Variants in TSPAN9 observed in about 807,000 individuals in gnomAD.
The protein encoded by TSPAN9 is tetraspanin 9.
TSPAN9 carries 16 observed loss-of-function variants against 31.0 expected under a neutral mutation model. The ratio of observed to expected loss-of-function variants is 0.52; its 90% CI spans 0.35 to 0.78. The LOEUF is 0.78. Ranked by LOEUF, TSPAN9 falls within the 30% of genes least tolerant of loss-of-function variation. The probability of loss-of-function intolerance (pLI) is 0.01; values close to 1 mark genes in which losing one functional copy is unlikely to be tolerated. For missense variants in TSPAN9, 272 were observed against 312.5 expected (o/e 0.87, Z 0.98); for synonymous variants, 145 against 121.6 (o/e 1.19, Z -1.27).
intron 2 of TSPAN9, among the ~76,000 whole-genome samples, chr12:3,160,744 G>C (rs2098344656): frequency 6.6e-6 from 1 of 152,046 alleles, no homozygotes; most frequent in Non-Finnish European, 1.5e-5. Context: ...TGCCACTTGT[G>C]TATCTTCTAT....
intron 2 of TSPAN9, among the ~76,000 whole-genome samples, chr12:3,140,591 G>A (rs751856914): frequency 9.2e-5 from 14 of 152,136 alleles, no homozygotes; most frequent in Non-Finnish European, 1.8e-4. Context: ...GGTATGGGGT[G>A]GTGAGGAGGC....
intron 3 of TSPAN9, among the ~76,000 whole-genome samples, chr12:3,220,093 C>T (rs572988866): frequency 4.7e-5 from 7 of 150,526 alleles, no homozygotes; most frequent in East Asian, 2.0e-4. Flanking sequence ...TGCAGTGAGC[C>T]GAGATCACGC....
At chr12:3,142,683 C>T (rs1306007056) in intron 2 of TSPAN9, among the ~76,000 whole-genome samples, 1 of 152,154 alleles carries the variant, frequency 6.6e-6, no homozygotes, top group Non-Finnish European at 1.5e-5. Context: ...CATCCCTGCC[C>T]CCGGGTGCCT....
At chr12:3,140,804 C>T (rs1009187790) in intron 2 of TSPAN9, among the ~76,000 whole-genome samples, 1 of 151,780 alleles carries the variant, frequency 6.6e-6, no homozygotes, top group African/African-American at 2.4e-5. Flanking sequence ...TGGGAAAGCC[C>T]AGGGGAAGAG....
intron 1 of TSPAN9, among the ~76,000 whole-genome samples, chr12:3,080,211 T>A (rs777279428): frequency 6.6e-6 from 1 of 152,176 alleles, no homozygotes; most frequent in African/African-American, 2.4e-5. Flanking sequence ...TATTCTAGAG[T>A]CTCTTCCAGC....
intron 2 of TSPAN9, among the ~76,000 whole-genome samples, chr12:3,138,629 A>G (rs1351645585): frequency 2.0e-4 from 2 of 10,162 alleles, no homozygotes; most frequent in Admixed American, 1.9e-3. Flanking sequence ...CATATCCGCC[A>G]TACAAAAAAA....
intron 3 of TSPAN9, among the ~76,000 whole-genome samples, chr12:3,254,040 C>T (rs1456101315): frequency 6.6e-6 from 1 of 152,154 alleles, no homozygotes; most frequent in African/African-American, 2.4e-5. Context: ...AGTCCTGGCC[C>T]TCCTGCTGAG....
intron 3 of TSPAN9, among the ~76,000 whole-genome samples, chr12:3,253,820 G>A (rs1253666573): frequency 2.0e-5 from 3 of 152,210 alleles, no homozygotes; most frequent in Non-Finnish European, 4.4e-5. Flanking sequence ...TCTGCTGTGC[G>A]TGGGCCTGGT....
intron 3 of TSPAN9, among the ~76,000 whole-genome samples, chr12:3,244,283 C>T (rs1395576347): frequency 1.3e-5 from 2 of 152,162 alleles, no homozygotes; most frequent in Non-Finnish European, 2.9e-5. Context: ...CTTGGCTGGC[C>T]TTATCCTCCC....
rs567800427 is a variant in TSPAN9, at chr12:3,078,615, A to G, written c.-85+1162A>G. On this transcript the variant is annotated intron_variant, in intron 1 of 8. Coordinates refer to ENST00000011898, the MANE Select transcript of TSPAN9 (RefSeq NM_006675.5). ...AAGGAATGCAGCCAGAGAGGCAGAC[A>G]ATTACACCGGCTTCCTACCCTCGGC... Among the ~76,000 whole-genome samples the G allele has an allele frequency of 2.2e-4, 33 of 152,282 alleles. No individual in the cohort carries two copies. In the South Asian group the frequency reaches 6.8e-3, roughly 32 times the overall value.
At chr12:3,243,983 A>T (rs1474711548) in intron 3 of TSPAN9, among the ~76,000 whole-genome samples, 3 of 152,196 alleles carry the variant, frequency 2.0e-5, no homozygotes, top group Non-Finnish European at 2.9e-5. Flanking sequence ...CTTGGCAGTC[A>T]GTCATAAGTT....
At position 3,143,268 on chromosome 12, in the gene TSPAN9, C is replaced by T. The variant is rs7956597; in HGVS notation, c.-17-57909C>T. ...TAATAATATTTATAGTTATATTAAT[C>T]ATAATTAATAATATTTATAATTATA... On this transcript the variant is annotated intron_variant, in intron 2 of 8. Transcript: ENST00000011898. This position sits in a 1 kb window ranked among gnomAD's most constrained non-coding sequence, Gnocchi z 4.2. Among the ~76,000 whole-genome samples the T allele has an allele frequency of 0.73, 107,340 of 147,546 alleles. 39,118 individuals carry two copies. Among genetic ancestry groups the T allele is most frequent in the South Asian group, 0.8 (3,832 of 4,768 alleles).
At chr12:3,101,335 A>G (rs1430624145) in intron 2 of TSPAN9, among the ~76,000 whole-genome samples, 1 of 152,174 alleles carries the variant, frequency 6.6e-6, no homozygotes, top group Non-Finnish European at 1.5e-5. Flanking sequence ...GGTACCTTGA[A>G]GATAGTGAGC....
At chr12:3,122,736 C>T (rs909361346) in intron 2 of TSPAN9, among the ~76,000 whole-genome samples, 1 of 152,160 alleles carries the variant, frequency 6.6e-6, no homozygotes, top group Non-Finnish European at 1.5e-5. Flanking sequence ...ATGTTTTAGT[C>T]CAGAGAAAAA....
intron 3 of TSPAN9, among the ~76,000 whole-genome samples, chr12:3,262,684 C>T (rs1298516048): frequency 6.6e-6 from 1 of 151,830 alleles, no homozygotes; most frequent in African/African-American, 2.4e-5. Flanking sequence ...AAGAGCCTCC[C>T]CCAGCCTGTA....
chr12:3,110,506 C>T (rs148767507), intron 2 of TSPAN9, among the ~76,000 whole-genome samples: 9 of 152,296 alleles, frequency 5.9e-5, no homozygotes, highest in African/African-American at 2.2e-4. Flanking sequence ...GGTGCATTTA[C>T]TTGCCTTCAT....
chr12:3,225,203 G>A (rs774763148), intron 3 of TSPAN9, among the ~76,000 whole-genome samples: 3 of 152,134 alleles, frequency 2.0e-5, no homozygotes, highest in Non-Finnish European at 2.9e-5. Context: ...TTGGGGGACC[G>A]TGGGAAGGCT....
chr12:3,174,532 A>G (rs372852911), intron 2 of TSPAN9, among the ~76,000 whole-genome samples: 5 of 152,264 alleles, frequency 3.3e-5, no homozygotes, highest in East Asian at 3.9e-4. Flanking sequence ...TCTTCTTGTA[A>G]CAGGCCCAGC....
At chr12:3,133,968 A>G (rs1358742036) in intron 2 of TSPAN9, among the ~76,000 whole-genome samples, 1 of 152,084 alleles carries the variant, frequency 6.6e-6, no homozygotes, top group Non-Finnish European at 1.5e-5. Flanking sequence ...AGTTTCTTTG[A>G]TTATAAACAG....
Sources: allele counts gnomAD v4.1 joint callset (sites outside exome capture counted in the v4.1 genomes callset), GRCh38; gene constraint gnomAD v4.1.1; non-coding constraint Gnocchi (gnomAD v3.1); transcripts MANE v1.5; gene names NCBI Gene and HGNC (gene_info 2026-07-23, HGNC 2026-07-21).